The following C1QTNF5 variants were observed in gnomAD, a reference collection of about 807,000 sequenced individuals.
The protein encoded by C1QTNF5 is C1q and TNF related 5, also known as complement C1q tumor necrosis factor-related protein 5.
A neutral mutation model predicts 10.9 loss-of-function variants in C1QTNF5; 5 were observed. The ratio of observed to expected loss-of-function variants is 0.46; its 90% CI spans 0.24 to 0.97. The LOEUF (loss-of-function observed/expected upper bound fraction) is 0.97. C1QTNF5 is among the 50% of genes least tolerant of loss of function. The pLI is 0.19. For synonymous variants in C1QTNF5, 161 were observed against 156.5 expected, an observed-to-expected ratio of 1.03 and a Z score of -0.22; for missense variants, 281 against 339.4, an observed-to-expected ratio of 0.83 and a Z score of 1.35.
the C1QTNF5 span, chr11:119,345,956 T>C: frequency 7.4e-6 from 12 of 1,613,522 alleles, no homozygotes; most frequent in Non-Finnish European, 1.0e-5. Context: ...GAGGGTGGCG[T>C]TCAGAGGAGC....
At chr11:119,341,424 C>T, upstream of C1QTNF5, 1 of 795,266 alleles carries the variant, frequency 1.3e-6, no homozygotes, top group South Asian at 1.7e-5. Context: ...TCTTCCCCCT[C>T]CCTGGGAGCC....
At chr11:119,342,798 C>A (rs891121482), upstream of C1QTNF5, 1 of 1,613,022 alleles carries the variant, frequency 6.2e-7, no homozygotes, top group African/African-American at 1.3e-5. Context: ...AGTGTCCTGA[C>A]CAGGGTCCAG....
chr11:119,342,469 A>G, upstream of C1QTNF5: 1 of 1,246,194 alleles, frequency 8.0e-7, no homozygotes, highest in South Asian at 1.4e-5. Flanking sequence ...TCCCAGAGTC[A>G]GGATGGTGAG....
At chr11:119,344,734 G>A (rs138295825), upstream of C1QTNF5, 134 of 1,613,996 alleles carry the variant, frequency 8.3e-5, no homozygotes, top group African/African-American at 3.7e-4. Context: ...TGGTCACAGC[G>A]GAACTCATCA....
chr11:119,342,684 A>G, upstream of C1QTNF5: 1 of 1,613,636 alleles, frequency 6.2e-7, no homozygotes, highest in Non-Finnish European at 8.5e-7. Flanking sequence ...GCACACCCTT[A>G]CACCCTCCTG....
the C1QTNF5 span, chr11:119,346,532 G>C: frequency 6.2e-7 from 1 of 1,613,584 alleles, no homozygotes; most frequent in South Asian, 1.1e-5. Context: ...GCTCTGCATG[G>C]CTTTCTGGAG....
At position 119,340,529 on chromosome 11, in the gene C1QTNF5, C is replaced by A. The variant is rs1950492362; in HGVS notation, c.-43-89G>T. On this transcript the variant is annotated intron_variant, in intron 1 of 2. Coordinates refer to ENST00000528368, the MANE Select transcript of C1QTNF5 (RefSeq NM_001278431.2). Reference sequence around the variant, plus strand: ...CGGCGCGGCCCAGTCGGTCCCCACCCCACTGCCGTGCCCCTGAGGCTGAGC... The same window carrying A: ...CGGCGCGGCCCAGTCGGTCCCCACCACACTGCCGTGCCCCTGAGGCTGAGC... 4 of 971,402 alleles carry A rather than the reference C, an allele frequency of 4.1e-6. No individual in the cohort carries two copies. The Admixed American group carries it at 6.5e-5, about 16-fold the overall frequency. 60.2% of individuals were successfully genotyped at this position (971,402 alleles called of 1,614,324 possible).
At chr11:119,344,061 A>C (rs948413), upstream of C1QTNF5, 2 of 1,498,690 alleles carry the variant, frequency 1.3e-6, no homozygotes, top group African/African-American at 2.8e-5. Context: ...GGCTGGGGGG[A>C]TGGGGTGGTG....
upstream of C1QTNF5, chr11:119,345,519 G>A (rs2135373435): frequency 3.1e-6 from 5 of 1,614,128 alleles, no homozygotes; most frequent in Middle Eastern, 3.3e-4. Context: ...GAGCTGTATT[G>A]CATGGTCTGT....
At chr11:119,342,507 G>T (rs897162215), upstream of C1QTNF5, 26 of 1,539,904 alleles carry the variant, frequency 1.7e-5, no homozygotes, top group Non-Finnish European at 2.2e-5. Flanking sequence ...CCTCAGGGAG[G>T]TTGGGATGGG....
upstream of C1QTNF5, chr11:119,345,044 G>T (rs1950546360): frequency 6.3e-7 from 1 of 1,586,802 alleles, no homozygotes; most frequent in Non-Finnish European, 8.6e-7. Flanking sequence ...GGCTCCAAGA[G>T]CAGGGTCAGC....
At chr11:119,343,703 G>C, upstream of C1QTNF5, 1 of 1,350,338 alleles carries the variant, frequency 7.4e-7, no homozygotes. Flanking sequence ...CCCCGGCCTG[G>C]AGTAGCAGAA....
Position 119,339,369 on chromosome 11 carries a change from C to T in C1QTNF5, c.694G>A (p.Val232Met). 1.2e-6 allele frequency: 2 copies of T among 1,613,010 alleles called. No homozygotes were observed. Among genetic ancestry groups the T allele is most frequent in the South Asian group, 2.2e-5 (2 of 90,990 alleles). ...KTDSTFSGFL[V>M]YSDWHSSPVF... ...GGGGAGCTGTGCCAGTCGGAGTACA[C>T]CAGAAATCCGGAGAAGGTGCTGTCT... is the stretch of plus-strand genomic sequence containing the variant. The change falls in exon 3 of 3, where the codon GTG becomes ATG. Residue 232 changes from valine (V) to methionine (M), a missense_variant. Transcript: ENST00000528368. This position sits in a 1 kb window ranked among gnomAD's most constrained non-coding sequence, Gnocchi z 5.4.
chr11:119,345,573 G>A, upstream of C1QTNF5: 1 of 1,613,962 alleles, frequency 6.2e-7, no homozygotes, highest in Non-Finnish European at 8.5e-7. Flanking sequence ...GGGGGGGTAA[G>A]GGTCTGGGTA....
At chr11:119,344,836 A>C, upstream of C1QTNF5, 1 of 1,613,522 alleles carries the variant, frequency 6.2e-7, no homozygotes, top group East Asian at 2.2e-5. Flanking sequence ...GGAGGGGAAG[A>C]AAGTGGACAC....
chr11:119,345,401 TG>T, upstream of C1QTNF5: 5 of 1,612,314 alleles, frequency 3.1e-6, no homozygotes, highest in Non-Finnish European at 4.2e-6. Flanking sequence ...TGGGATGTCC[TG>T]GGGACAGAGG....
Position 119,340,802 on chromosome 11 carries a change from C to A in C1QTNF5, c.-151G>T, listed in dbSNP as rs1368902904. 1.2e-5 allele frequency: 3 copies of A among 254,872 alleles called. No individual in the cohort carries two copies. Among genetic ancestry groups the A allele is most frequent in the African/African-American group, 4.7e-5 (2 of 42,900 alleles). 15.8% of individuals were successfully genotyped at this position (254,872 alleles called of 1,614,324 possible). A position where few individuals can be genotyped will look rare whatever the true frequency, so the allele number is the denominator to read the frequency against. ...CTTCTCCCCGGCCAGGCGCCCCCTG[C>A]CCTGCCGTCACCCCAGTCCTGGTTC... is the stretch of plus-strand genomic sequence containing the variant. On this transcript the variant is annotated 5_prime_UTR_variant, in exon 1 of 3. Coordinates refer to ENST00000528368, the MANE Select transcript of C1QTNF5 (RefSeq NM_001278431.2).
At chr11:119,343,861 T>G (rs951438517), upstream of C1QTNF5, 2 of 1,613,904 alleles carry the variant, frequency 1.2e-6, no homozygotes, top group Non-Finnish European at 1.7e-6. Flanking sequence ...CTCATACACC[T>G]CCACGTAGTC....
chr11:119,338,976 A>C lies in C1QTNF5; in HGVS notation c.*355T>G. ...TAGGTTTATTGAGTGATCTCTGAGA[A>C]AAGGGCCGGCCCCAGGAGCAGGAGG... On this transcript the variant is annotated 3_prime_UTR_variant, in exon 3 of 3. Transcript: ENST00000528368. The C allele has an allele frequency of 4.5e-6, 1 of 223,218 alleles. No homozygotes were observed. The allele number at this position is 223,218 out of a possible 1,614,324, so 13.8% of individuals were successfully genotyped here.
Sources: gnomAD v4.1 joint callset for allele counts on GRCh38, gnomAD v4.1.1 for gene constraint, Gnocchi (gnomAD v3.1) non-coding constraint, MANE v1.5 for transcripts, NCBI Gene and HGNC (gene_info 2026-07-23, HGNC 2026-07-21) for gene names.